AKT3: variants seen among roughly 807,000 people sequenced by gnomAD.
AKT3 encodes AKT serine/threonine kinase 3, also known as RAC-gamma serine/threonine-protein kinase.
Under a neutral mutation model 65.3 loss-of-function variants are expected in AKT3, and 15 were observed. The ratio of observed to expected loss-of-function variants is 0.23; its 90% CI spans 0.15 to 0.35. AKT3 has a LOEUF of 0.35. Among genes scored for constraint, AKT3 ranks in the 10% least tolerant of loss-of-function variants. The pLI is 1.00. For missense variants in AKT3, 243 were observed against 576.5 expected, an observed-to-expected ratio of 0.42 and a Z score of 5.92; for synonymous variants, 206 against 183.8, an observed-to-expected ratio of 1.12 and a Z score of -0.98.
At chr1:243,762,647 T>C (rs1272981465) in intron 2 of AKT3, among the ~76,000 whole-genome samples, 1 of 152,102 alleles carries the variant, frequency 6.6e-6, no homozygotes, top group Non-Finnish European at 1.5e-5. Flanking sequence ...GGTTAAAACA[T>C]TGACCTAAGC....
intron 2 of AKT3, among the ~76,000 whole-genome samples, chr1:243,738,645 A>G (rs1687973606): frequency 6.6e-6 from 1 of 152,182 alleles, no homozygotes. Flanking sequence ...CCCACTTCCC[A>G]CTTAGTACTC....
At chr1:243,758,812 C>T (rs983593530) in intron 2 of AKT3, among the ~76,000 whole-genome samples, 1 of 152,166 alleles carries the variant, frequency 6.6e-6, no homozygotes. Context: ...TGGTAATGCT[C>T]GCTCACCTCT....
intron 3 of AKT3, among the ~76,000 whole-genome samples, chr1:243,672,581 T>G (rs1008717405): frequency 6.6e-6 from 1 of 152,238 alleles, no homozygotes; most frequent in Admixed American, 6.5e-5. Flanking sequence ...CTCTAGAAGA[T>G]GTTTTTCACT....
At chr1:243,801,222 T>C (rs1692362450) in intron 2 of AKT3, among the ~76,000 whole-genome samples, 1 of 152,214 alleles carries the variant, frequency 6.6e-6, no homozygotes, top group Non-Finnish European at 1.5e-5. Flanking sequence ...AATAAACATT[T>C]CTTGAATGAA....
At chr1:243,809,541 T>C (rs1692987760) in intron 2 of AKT3, among the ~76,000 whole-genome samples, 1 of 152,160 alleles carries the variant, frequency 6.6e-6, no homozygotes, top group Non-Finnish European at 1.5e-5. Flanking sequence ...AGCAAGACCT[T>C]AGAGACCTAC....
rs192630317 is a variant in AKT3 at position 243,677,870 on chromosome 1, T to C, written c.173-12987A>G. ...GGGAGACTGAGGCGGGTGGATTACC[T>C]GAGGTCAGGAGTTCGAGACCAGCCT... is the stretch of plus-strand genomic sequence containing the variant. On this transcript the variant is annotated intron_variant, in intron 3 of 13. Transcript: ENST00000673466. Among the ~76,000 whole-genome samples, 785 of 152,240 alleles carry C rather than the reference T, an allele frequency of 5.2e-3. 9 individuals carry two copies. The highest frequency in any genetic ancestry group is 0.018 in the African/African-American group (744 of 41,550).
At chr1:243,541,307 A>G (rs1285290975) in intron 12 of AKT3, among the ~76,000 whole-genome samples, 1 of 152,160 alleles carries the variant, frequency 6.6e-6, no homozygotes, top group African/African-American at 2.4e-5. Flanking sequence ...TGCAATATAG[A>G]CTCATGATTA....
chr1:243,667,974 T>A (rs1012500260), intron 3 of AKT3, among the ~76,000 whole-genome samples: 5 of 152,208 alleles, frequency 3.3e-5, no homozygotes, highest in Admixed American at 2.0e-4. Flanking sequence ...TATTTAATAC[T>A]GCAATCTGCA....
chr1:243,753,544 T>G (rs1456414191), intron 2 of AKT3, among the ~76,000 whole-genome samples: 6 of 152,200 alleles, frequency 3.9e-5, no homozygotes. Context: ...AATAAAAAAC[T>G]TCTAGAATTT....
chr1:243,662,554 T>C (rs1412126561), intron 4 of AKT3, among the ~76,000 whole-genome samples: 1 of 88,602 alleles, frequency 1.1e-5, no homozygotes, highest in Non-Finnish European at 2.1e-5. Flanking sequence ...TGGGGACTGT[T>C]GTGGGGTGGG....
intron 2 of AKT3, among the ~76,000 whole-genome samples, chr1:243,813,191 A>C (rs1276143740): frequency 6.6e-6 from 1 of 152,188 alleles, no homozygotes; most frequent in Non-Finnish European, 1.5e-5. Flanking sequence ...AAAGAGAAAA[A>C]TATATCTTTA....
intron 3 of AKT3, among the ~76,000 whole-genome samples, chr1:243,669,981 T>C (rs969521839): frequency 1.3e-5 from 2 of 152,194 alleles, no homozygotes; most frequent in Non-Finnish European, 2.9e-5. Context: ...CCAAGCACTA[T>C]GCAAAATGCT....
intron 12 of AKT3, among the ~76,000 whole-genome samples, chr1:243,535,021 AAAAC>A (rs1671798479): frequency 6.6e-6 from 1 of 151,752 alleles, no homozygotes; most frequent in Non-Finnish European, 1.5e-5. Flanking sequence ...TCAATGGAGA[AAAAC>A]TAACAAAAGC....
At chr1:243,527,936 CAG>C (rs141407272) in intron 12 of AKT3, among the ~76,000 whole-genome samples, 6,886 of 37,442 alleles carry the variant, frequency 0.18, 853 homozygotes, top group Non-Finnish European at 0.25. Flanking sequence ...CACACACACA[CAG>C]AGAGAGAGAG....
intron 2 of AKT3, among the ~76,000 whole-genome samples, chr1:243,771,759 C>T (rs1251549797): frequency 3.3e-5 from 5 of 152,044 alleles, no homozygotes; most frequent in Non-Finnish European, 7.4e-5. Context: ...CAAAAAGAAA[C>T]TGGATGCCAT....
chr1:243,609,435 A>T (rs1677700763), intron 8 of AKT3, among the ~76,000 whole-genome samples: 1 of 151,950 alleles, frequency 6.6e-6, no homozygotes, highest in South Asian at 2.1e-4. Flanking sequence ...AGGTGGGCAG[A>T]TCACTTGAGG....
At chr1:243,634,372 A>G (rs1317806488) in intron 6 of AKT3, among the ~76,000 whole-genome samples, 1 of 152,060 alleles carries the variant, frequency 6.6e-6, no homozygotes, top group Non-Finnish European at 1.5e-5. Flanking sequence ...TACCTAAGAT[A>G]AAGTTTAATT....
rs927683250 is a variant in AKT3, at chr1:243,644,431, G to A, written c.429+1462C>T. On this transcript the variant is annotated intron_variant, in intron 5 of 13. Transcript: ENST00000673466. ...GGTTAAGTACTGGCTCCCACCCTGT[G>A]TGTAATTAAGGGGAAAATTTCTTAA... Among the ~76,000 whole-genome samples the A allele has an allele frequency of 2.0e-5, 3 of 152,122 alleles. No individual in the cohort carries two copies. In the East Asian group the frequency reaches 5.8e-4, roughly 29 times the overall value.
At chr1:243,497,093 C>T (rs1668118665), downstream of AKT3, among the ~76,000 whole-genome samples, 4 of 152,258 alleles carry the variant, frequency 2.6e-5, no homozygotes, top group East Asian at 1.9e-4. Flanking sequence ...CTCTCCTGGA[C>T]GAGACCATGA....
Sources: gnomAD v4.1 joint callset for allele counts (sites outside exome capture counted in the v4.1 genomes callset) on GRCh38, gnomAD v4.1.1 for gene constraint, MANE v1.5 for transcripts, NCBI Gene and HGNC (gene_info 2026-07-23, HGNC 2026-07-21) for gene names.